Variants in CYB5B observed in about 807,000 individuals in gnomAD.
CYB5B encodes the protein cytochrome b5 type B.
A neutral mutation model predicts 21.3 loss-of-function variants in CYB5B; 14 were observed. That is an observed-to-expected ratio of 0.66 (90% CI 0.43 to 1.03). The LOEUF is 1.03. Ranked by LOEUF, CYB5B falls within the 50% of genes least tolerant of loss-of-function variation. CYB5B has a pLI of 0.00. For missense variants in CYB5B, 166 were observed against 185.1 expected (o/e 0.90, Z 0.60); for synonymous variants, 69 against 68.4 (o/e 1.01, Z -0.04).
intron 1 of CYB5B, 100 bp from the exon 2 acceptor site, chr16:69,447,050 T>C: frequency 2.9e-6 from 4 of 1,381,506 alleles, no homozygotes; most frequent in Non-Finnish European, 3.9e-6. Flanking sequence ...TGTTCCATTA[T>C]TTCTATTAAA....
At chr16:69,434,335 A>G (rs191746406) in intron 1 of CYB5B, among the ~76,000 whole-genome samples, 15 of 152,330 alleles carry the variant, frequency 9.8e-5, no homozygotes, top group Admixed American at 9.8e-4. Flanking sequence ...ACTGTCATGT[A>G]CAAATCTTTG....
At chr16:69,439,044 C>T (rs1226296630) in intron 1 of CYB5B, among the ~76,000 whole-genome samples, 1 of 152,052 alleles carries the variant, frequency 6.6e-6, no homozygotes, top group East Asian at 1.9e-4. Context: ...AGGTCATGAA[C>T]ATTTACCCTT....
intron 3 of CYB5B, among the ~76,000 whole-genome samples, chr16:69,455,635 T>G (rs2014976906): frequency 1.3e-5 from 2 of 152,086 alleles, no homozygotes; most frequent in African/African-American, 2.4e-5. Context: ...CTTGATCTCC[T>G]GACCTCGTGA....
At chr16:69,437,004 A>C (rs1250347603) in intron 1 of CYB5B, among the ~76,000 whole-genome samples, 1 of 152,220 alleles carries the variant, frequency 6.6e-6, no homozygotes, top group East Asian at 1.9e-4. Context: ...AAGTAAATGA[A>C]CTTAAGGAAA....
intron 1 of CYB5B, among the ~76,000 whole-genome samples, chr16:69,428,797 G>C (rs929023358): frequency 5.9e-5 from 9 of 152,204 alleles, no homozygotes; most frequent in Non-Finnish European, 1.3e-4. Context: ...GCAAAGTAAA[G>C]GAGCTAGCCA....
At chr16:69,439,495 C>T (rs1377215969) in intron 1 of CYB5B, among the ~76,000 whole-genome samples, 1 of 152,090 alleles carries the variant, frequency 6.6e-6, no homozygotes, top group Non-Finnish European at 1.5e-5. Context: ...AGTTGTGAGC[C>T]ACCACGCCCG....
At position 69,463,567 on chromosome 16, in the gene CYB5B, C is replaced by G. The variant is rs1009013945; in HGVS notation, c.*1047C>G. 2 of 152,086 alleles carry G rather than the reference C, an allele frequency of 1.3e-5. No homozygotes were observed. The highest frequency in any genetic ancestry group is 4.8e-5 in the African/African-American group (2 of 41,400). 9.4% of individuals were successfully genotyped at this position (152,086 alleles called of 1,614,324 possible). ...TTTGTAGAGCTTTACCAAGGAGTTT[C>G]CCTCCTTTTTTGTTTGTTGATTAGC... On this transcript the variant is annotated 3_prime_UTR_variant, in exon 5 of 5. Transcript: ENST00000307892.
chr16:69,427,515 T>C (rs1427326813), intron 1 of CYB5B, among the ~76,000 whole-genome samples: 3 of 151,626 alleles, frequency 2.0e-5, no homozygotes. Context: ...GCTGCAGCTC[T>C]TTACCTGCAG....
rs765804282 is a variant in CYB5B at position 69,462,658 on chromosome 16, C to G, written c.*138C>G. ...CTTGGAGCCAAGACGATTGGCCAGA[C>G]ATCACCTCAGATCTGAGACCAGCGT... On this transcript the variant is annotated 3_prime_UTR_variant, in exon 5 of 5. Coordinates refer to ENST00000307892, the MANE Select transcript of CYB5B (RefSeq NM_030579.3). 1.4e-6 allele frequency: 1 copy of G among 694,146 alleles called. No homozygotes were observed. The highest frequency in any genetic ancestry group is 1.8e-5 in the African/African-American group (1 of 56,774). The allele number at this position is 694,146 out of a possible 1,614,324, so 43.0% of individuals were successfully genotyped here.
chr16:69,431,770 C>A (rs9930094), intron 1 of CYB5B, among the ~76,000 whole-genome samples: 26,296 of 152,014 alleles, frequency 0.17, 2,393 homozygotes, highest in Middle Eastern at 0.25. Context: ...ACCCTGTCTC[C>A]AAACAAACAA....
rs371738774 is a variant in CYB5B at position 69,466,136 on chromosome 16, A to G, written c.*3616A>G. Reference sequence around the variant, plus strand: ...AGTAACGGTAACATTCCTTTTGTGTATTCAATAATGCAGTTAGTTTACCTT... The same window carrying G: ...AGTAACGGTAACATTCCTTTTGTGTGTTCAATAATGCAGTTAGTTTACCTT... On this transcript the variant is annotated 3_prime_UTR_variant, in exon 5 of 5. Transcript: ENST00000307892. 11 of 152,560 alleles carry G rather than the reference A, an allele frequency of 7.2e-5. No individual in the cohort carries two copies. The highest frequency in any genetic ancestry group is 4.1e-4 in the South Asian group (2 of 4,826). The allele number at this position is 152,560 out of a possible 1,614,324, so 9.5% of individuals were successfully genotyped here.
At chr16:69,436,036 C>T (rs2142812575) in intron 1 of CYB5B, among the ~76,000 whole-genome samples, 1 of 152,322 alleles carries the variant, frequency 6.6e-6, no homozygotes, top group Middle Eastern at 3.4e-3. Context: ...AGAATTTAAC[C>T]TCTATCACTG....
At position 69,462,526 on chromosome 16, in the gene CYB5B, C is replaced by A; in HGVS notation, c.*6C>A. 1.9e-6 allele frequency: 3 copies of A among 1,611,888 alleles called. No homozygotes were observed. Among genetic ancestry groups the A allele is most frequent in the Non-Finnish European group, 2.5e-6 (3 of 1,178,158 alleles). On this transcript the variant is annotated 3_prime_UTR_variant, in exon 5 of 5. Transcript: ENST00000307892. ...CGGAAAGCAAATCCTCCTGAGGAGGCCTTGCTGAAGTTAGAAAGTGCATCC... is the reference window on the plus strand; with the variant it reads ...CGGAAAGCAAATCCTCCTGAGGAGGACTTGCTGAAGTTAGAAAGTGCATCC...
At chr16:69,444,611 A>G (rs2014859224) in intron 1 of CYB5B, among the ~76,000 whole-genome samples, 1 of 152,140 alleles carries the variant, frequency 6.6e-6, no homozygotes, top group Non-Finnish European at 1.5e-5. Context: ...TTAGAGTGAA[A>G]GTTATTAAAC....
intron 1 of CYB5B, among the ~76,000 whole-genome samples, chr16:69,444,622 C>A (rs999686363): frequency 6.6e-6 from 1 of 151,524 alleles, no homozygotes. Context: ...GTTATTAAAC[C>A]GTAGAATTTT....
chr16:69,440,527 GA>G (rs1185071195), intron 1 of CYB5B, among the ~76,000 whole-genome samples: 13 of 152,176 alleles, frequency 8.5e-5, no homozygotes, highest in Non-Finnish European at 1.8e-4. Flanking sequence ...TTTATAAATG[GA>G]AATTTCACAG....
At chr16:69,425,118 A>C (rs1472994734) in intron 1 of CYB5B, among the ~76,000 whole-genome samples, 1 of 152,182 alleles carries the variant, frequency 6.6e-6, no homozygotes, top group Non-Finnish European at 1.5e-5. Flanking sequence ...TGCTCAGCTA[A>C]ACTCTAAGCC....
chr16:69,424,938 A>G, intron 1 of CYB5B, 81 bp downstream of exon 1: 2 of 1,355,228 alleles, frequency 1.5e-6, no homozygotes, highest in Non-Finnish European at 1.9e-6. Context: ...GTGGGAAGGA[A>G]GGGAGGCTTG....
At position 69,462,322 on chromosome 16, in the gene CYB5B, A is replaced by G. The variant is rs147529149; in HGVS notation, c.363-108A>G. The G allele has an allele frequency of 1.3e-3, 1,068 of 841,322 alleles. 14 individuals are homozygous for G. Among genetic ancestry groups the G allele is most frequent in the South Asian group, 7.3e-3 (469 of 64,212 alleles). 52.1% of individuals were successfully genotyped at this position (841,322 alleles called of 1,614,324 possible). On this transcript the variant is annotated intron_variant, in intron 4 of 4. Coordinates refer to ENST00000307892, the MANE Select transcript of CYB5B (RefSeq NM_030579.3). ...GTGATAAAAGCAGTTAAATTTCCCA[A>G]AGTAAATAAAAACTCCTTGCCTATA...
Sources: allele counts gnomAD v4.1 joint callset (sites outside exome capture counted in the v4.1 genomes callset), GRCh38; gene constraint gnomAD v4.1.1; transcripts MANE v1.5; gene names NCBI Gene and HGNC (gene_info 2026-07-23, HGNC 2026-07-21).